NCK1: variants seen among roughly 807,000 people sequenced by gnomAD.
NCK1 encodes NCK adaptor protein 1.
Under a neutral mutation model 36.6 loss-of-function variants are expected in NCK1, and 19 were observed. The observed-to-expected ratio is 0.52, with a 90% CI of 0.36 to 0.76. The LOEUF (loss-of-function observed/expected upper bound fraction) is 0.76. NCK1 is among the 30% of genes least tolerant of loss of function. The pLI, the probability that NCK1 is intolerant of heterozygous loss-of-function variation, is 0.00. For synonymous variants in NCK1, 165 were observed against 156.0 expected, an observed-to-expected ratio of 1.06 and a Z score of -0.43; for missense variants, 358 against 445.6, an observed-to-expected ratio of 0.80 and a Z score of 1.77.
At chr3:136,897,488 A>G (rs1227470145) in intron 1 of NCK1, among the ~76,000 whole-genome samples, 1 of 152,072 alleles carries the variant, frequency 6.6e-6, no homozygotes, top group African/African-American at 2.4e-5. Flanking sequence ...GATGTTGAGC[A>G]TTTTTTCATA....
rs371332692 is a variant in NCK1 at position 136,891,984 on chromosome 3, GC to G, written c.-19+29632del. Reference sequence around the variant, plus strand: ...GCTCATTGCAATCTCATCCTCCTGGGCTCAAGGGATCCTCCTGTCTCAGCCT... The same window carrying G: ...GCTCATTGCAATCTCATCCTCCTGGGTCAAGGGATCCTCCTGTCTCAGCCT... On this transcript the variant is annotated intron_variant, in intron 1 of 3. Coordinates refer to ENST00000481752, the MANE Select transcript of NCK1 (RefSeq NM_001291999.2). Among the ~76,000 whole-genome samples the G allele has an allele frequency of 5.2e-3, 798 of 152,282 alleles. 3 individuals are homozygous for G. Among genetic ancestry groups the G allele is most frequent in the Admixed American group, 8.1e-3 (124 of 15,296 alleles).
intron 1 of NCK1, among the ~76,000 whole-genome samples, chr3:136,921,225 T>G (rs922379813): frequency 6.6e-6 from 1 of 152,202 alleles, no homozygotes; most frequent in Non-Finnish European, 1.5e-5. Context: ...TGTATATAGA[T>G]AGCCAAACTA....
At chr3:136,865,900 A>G (rs1938397835) in intron 1 of NCK1, among the ~76,000 whole-genome samples, 1 of 152,254 alleles carries the variant, frequency 6.6e-6, no homozygotes, top group Non-Finnish European at 1.5e-5. Context: ...TCAATTACCC[A>G]GACACAAACT....
chr3:136,908,494 C>T (rs567942128), intron 1 of NCK1, among the ~76,000 whole-genome samples: 5 of 152,138 alleles, frequency 3.3e-5, no homozygotes, highest in Admixed American at 6.5e-5. Context: ...ACAGGGTTGA[C>T]GTGGTTCTGA....
intron 1 of NCK1, among the ~76,000 whole-genome samples, chr3:136,869,790 T>G (rs1270044339): frequency 2.0e-5 from 3 of 152,180 alleles, no homozygotes; most frequent in African/African-American, 7.2e-5. Flanking sequence ...TCTTGGTCTG[T>G]TTTTCATTTA....
intron 1 of NCK1, among the ~76,000 whole-genome samples, chr3:136,890,922 C>T (rs956300152): frequency 6.6e-6 from 1 of 152,214 alleles, no homozygotes; most frequent in East Asian, 1.9e-4. Flanking sequence ...AATCACCATT[C>T]TACTTTCTAT....
chr3:136,862,551 C>G (rs978225556), intron 1 of NCK1, among the ~76,000 whole-genome samples, 198 bp downstream of exon 1: 4 of 152,244 alleles, frequency 2.6e-5, no homozygotes, highest in Non-Finnish European at 5.9e-5. Context: ...ACCGGGATTC[C>G]GCGAGACCCT....
At chr3:136,934,208 CT>C (rs1231720005) in intron 2 of NCK1, among the ~76,000 whole-genome samples, 1 of 149,896 alleles carries the variant, frequency 6.7e-6, no homozygotes, top group Non-Finnish European at 1.5e-5. Flanking sequence ...TTTTTTTTAA[CT>C]TTTAGGGTTG....
At chr3:136,921,287 T>A (rs1353650145) in intron 1 of NCK1, among the ~76,000 whole-genome samples, 3 of 152,162 alleles carry the variant, frequency 2.0e-5, no homozygotes, top group Non-Finnish European at 4.4e-5. Flanking sequence ...TTCTAAAAAA[T>A]TTAATTCCAA....
At chr3:136,878,387 C>T (rs1335908379) in intron 1 of NCK1, among the ~76,000 whole-genome samples, 5 of 152,082 alleles carry the variant, frequency 3.3e-5, no homozygotes, top group East Asian at 1.9e-4. Context: ...CTAGCCAGGG[C>T]GACAGAGTGG....
chr3:136,877,674 G>A (rs1031951261), intron 1 of NCK1, among the ~76,000 whole-genome samples: 1 of 152,140 alleles, frequency 6.6e-6, no homozygotes, highest in Admixed American at 6.6e-5. Flanking sequence ...AAGAAAAGAC[G>A]GCAACAATAA....
intron 1 of NCK1, among the ~76,000 whole-genome samples, chr3:136,887,178 A>T (rs1271181354): frequency 6.6e-6 from 1 of 152,174 alleles, no homozygotes; most frequent in African/African-American, 2.4e-5. Context: ...TTCTTTAGAA[A>T]TGAGGTTTCA....
chr3:136,864,502 A>C (rs1346592944), intron 1 of NCK1, among the ~76,000 whole-genome samples: 5 of 151,938 alleles, frequency 3.3e-5, no homozygotes, highest in Non-Finnish European at 7.4e-5. Context: ...ACACAAAAAA[A>C]AAACAGAAAC....
intron 1 of NCK1, among the ~76,000 whole-genome samples, chr3:136,875,481 A>G (rs891555274): frequency 6.6e-6 from 1 of 152,238 alleles, no homozygotes; most frequent in Admixed American, 6.5e-5. Flanking sequence ...ATGGAAAACA[A>G]AAAAAGGCAG....
chr3:136,882,395 T>G (rs1235262202), intron 1 of NCK1, among the ~76,000 whole-genome samples: 1 of 152,240 alleles, frequency 6.6e-6, no homozygotes, highest in East Asian at 1.9e-4. Context: ...GGTCTTTTTA[T>G]TTTTACTTTT....
chr3:136,889,682 A>G (rs1035351777), intron 1 of NCK1, among the ~76,000 whole-genome samples: 6 of 152,080 alleles, frequency 3.9e-5, no homozygotes, highest in Non-Finnish European at 7.4e-5. Context: ...AGCTAGGCCC[A>G]AAGTTCTCCA....
intron 1 of NCK1, among the ~76,000 whole-genome samples, chr3:136,870,527 A>G (rs1052905469): frequency 9.2e-5 from 14 of 151,466 alleles, no homozygotes; most frequent in Admixed American, 7.2e-4. Context: ...TTTTTTGGAA[A>G]TGCTTGATCA....
At chr3:136,927,811 G>A (rs1038122702) in intron 1 of NCK1, among the ~76,000 whole-genome samples, 173 bp from the exon 2 acceptor site, 5 of 152,166 alleles carry the variant, frequency 3.3e-5, no homozygotes, top group Non-Finnish European at 5.9e-5. Context: ...GAGCCACTGC[G>A]CACGGCCATA....
intron 1 of NCK1, among the ~76,000 whole-genome samples, chr3:136,912,978 C>G (rs1247625736): frequency 6.6e-6 from 1 of 151,920 alleles, no homozygotes; most frequent in Non-Finnish European, 1.5e-5. Flanking sequence ...TTTTCTATCT[C>G]TTTACTCATT....
Sources: allele counts gnomAD v4.1 joint callset (sites outside exome capture counted in the v4.1 genomes callset), GRCh38; gene constraint gnomAD v4.1.1; transcripts MANE v1.5; gene names NCBI Gene and HGNC (gene_info 2026-07-23, HGNC 2026-07-21).